SHANK2: variants seen among roughly 807,000 people sequenced by gnomAD.
SHANK2 encodes SH3 and multiple ankyrin repeat domains 2.
Under a neutral mutation model 133.7 loss-of-function variants are expected in SHANK2, and 43 were observed. The observed-to-expected ratio is 0.32, with a 90% CI of 0.25 to 0.41. The LOEUF (loss-of-function observed/expected upper bound fraction) is 0.41, where lower values mean the gene tolerates loss of function less well. SHANK2 is among the 10% of genes least tolerant of loss of function. SHANK2 has a pLI of 1.00. For missense variants in SHANK2, 1,994 were observed against 2,235.8 expected (o/e 0.89, Z 2.18); for synonymous variants, 1,017 against 952.8 (o/e 1.07, Z -1.24).
chr11:70,557,817 A>C (rs1195683233), intron 17 of SHANK2, among the ~76,000 whole-genome samples: 1 of 152,180 alleles, frequency 6.6e-6, no homozygotes, highest in Non-Finnish European at 1.5e-5. Context: ...CTTCATGCAC[A>C]CAGCTGCCCA....
chr11:70,472,440 C>A lies in SHANK2; in HGVS notation c.*429G>T. On this transcript the variant is annotated 3_prime_UTR_variant, in exon 26 of 26. Coordinates refer to ENST00000601538, the MANE Select transcript of SHANK2 (RefSeq NM_012309.5). This position sits in a 1 kb window ranked among gnomAD's most constrained non-coding sequence, Gnocchi z 4.4. ...CACAGGACTGAGGAAAGGCCTCATG[C>A]CGGGGCCTGGGGTGGTGAGAGCTGC... The A allele has an allele frequency of 4.0e-6, 1 of 251,236 alleles. No homozygotes were observed. Among genetic ancestry groups the A allele is most frequent in the Non-Finnish European group, 7.8e-6 (1 of 128,624 alleles). The allele number at this position is 251,236 out of a possible 1,614,324, so 15.6% of individuals were successfully genotyped here. A position where few individuals can be genotyped will look rare whatever the true frequency, so the allele number is the denominator to read the frequency against.
chr11:70,692,817 A>G lies in SHANK2; in HGVS notation c.1853+5871T>C, dbSNP rs144513628. On this transcript the variant is annotated intron_variant, in intron 15 of 25. Coordinates refer to ENST00000601538, the MANE Select transcript of SHANK2 (RefSeq NM_012309.5). ...GGGAGCTGTGGACAGTGGATATTCA[A>G]TGGTGAGCAGGCATACTTTGCCATC... 5.3e-5 allele frequency among the ~76,000 whole-genome samples: 8 copies of G among 152,352 alleles called. No homozygotes were observed. In the East Asian group the frequency reaches 5.8e-4, roughly 11 times the overall value.
chr11:70,707,286 C>T (rs1252618105), intron 14 of SHANK2, among the ~76,000 whole-genome samples: 1 of 147,296 alleles, frequency 6.8e-6, no homozygotes, highest in Non-Finnish European at 1.5e-5. Flanking sequence ...GCAGGAGAAT[C>T]GCCTGAACCC....
intron 17 of SHANK2, among the ~76,000 whole-genome samples, chr11:70,573,653 G>C (rs1377737762): frequency 1.3e-5 from 2 of 152,050 alleles, no homozygotes; most frequent in Non-Finnish European, 2.9e-5. Context: ...ACCAGATCAA[G>C]CTTCAGGTTC....
At chr11:70,721,510 G>A (rs1474365689) in intron 14 of SHANK2, among the ~76,000 whole-genome samples, 1 of 152,256 alleles carries the variant, frequency 6.6e-6, no homozygotes, top group Non-Finnish European at 1.5e-5. Context: ...ACACCCCACT[G>A]TTGGGGAAGG....
In SHANK2 at chr11:70,487,772, A is replaced by C; in HGVS notation, c.2573-52T>G. ...TAAGTCACAATAGCAACAAAGCCTA[A>C]GTTCCTAGGAACGTGCGATACGCTA... On this transcript the variant is annotated intron_variant, in intron 24 of 25. Coordinates refer to ENST00000601538, the MANE Select transcript of SHANK2 (RefSeq NM_012309.5). The surrounding 1 kb of genome is among the most constrained non-coding windows in gnomAD (Gnocchi z 5.8). The C allele has an allele frequency of 1.9e-6, 3 of 1,550,156 alleles. No individual in the cohort carries two copies. The highest frequency in any genetic ancestry group is 2.6e-6 in the Non-Finnish European group (3 of 1,147,008).
At chr11:71,152,667 C>T (rs1205422285) in intron 2 of SHANK2, among the ~76,000 whole-genome samples, 2 of 152,134 alleles carry the variant, frequency 1.3e-5, no homozygotes, top group African/African-American at 2.4e-5. Flanking sequence ...AGAAGGGCTC[C>T]AGTGCTGGGT....
intron 9 of SHANK2, among the ~76,000 whole-genome samples, chr11:71,062,267 T>C (rs1457633265): frequency 6.6e-6 from 1 of 152,160 alleles, no homozygotes; most frequent in Non-Finnish European, 1.5e-5. Flanking sequence ...AAGGTCTTTA[T>C]CAAAATCACA....
chr11:71,124,734 C>T lies in SHANK2; in HGVS notation c.208-5702G>A, dbSNP rs181881100. 4.1e-3 allele frequency among the ~76,000 whole-genome samples: 632 copies of T among 152,302 alleles called. 4 individuals carry two copies. Among genetic ancestry groups the T allele is most frequent in the Non-Finnish European group, 7.8e-3 (529 of 68,026 alleles). On this transcript the variant is annotated intron_variant, in intron 3 of 25. Transcript: ENST00000601538. The stretch of plus-strand genomic sequence containing the variant: ...TGATGTTCCTCTCTATACACACCCA[C>T]TGCCAATCTTAGTGCAGGCAAATCA...
intron 11 of SHANK2, among the ~76,000 whole-genome samples, chr11:70,823,796 G>A (rs1321857603): frequency 2.7e-5 from 4 of 148,286 alleles, no homozygotes; most frequent in Admixed American, 1.4e-4. Flanking sequence ...ATTCATGGGG[G>A]GCAGAGGTGG....
chr11:71,071,577 T>A (rs942005931), intron 9 of SHANK2, among the ~76,000 whole-genome samples: 1 of 152,090 alleles, frequency 6.6e-6, no homozygotes, highest in Non-Finnish European at 1.5e-5. Context: ...CAGAGAAAAA[T>A]GTACAACTAT....
chr11:70,783,443 A>G (rs1253992940), intron 14 of SHANK2, among the ~76,000 whole-genome samples: 27 of 152,044 alleles, frequency 1.8e-4, no homozygotes, highest in Non-Finnish European at 1.5e-4. Flanking sequence ...CACAGTGAAA[A>G]CAAGTGACCC....
At chr11:70,815,487 C>G (rs1157009533) in intron 12 of SHANK2, among the ~76,000 whole-genome samples, 4 of 152,190 alleles carry the variant, frequency 2.6e-5, no homozygotes, top group Non-Finnish European at 5.9e-5. Context: ...CGGACACTCA[C>G]CATCCACAGA....
intron 14 of SHANK2, among the ~76,000 whole-genome samples, chr11:70,723,330 G>A (rs199804021): frequency 3.5e-5 from 2 of 57,910 alleles, no homozygotes; most frequent in Admixed American, 2.9e-4. Context: ...TCTCTCTCTC[G>A]CTGGCCTGAT....
intron 17 of SHANK2, among the ~76,000 whole-genome samples, chr11:70,593,942 C>T (rs1172309217): frequency 2.6e-5 from 4 of 152,090 alleles, no homozygotes; most frequent in Non-Finnish European, 4.4e-5. Flanking sequence ...CTGCTGGTGT[C>T]AGATGCTGAG....
intron 3 of SHANK2, among the ~76,000 whole-genome samples, chr11:71,126,801 A>T (rs1181215125): frequency 6.9e-6 from 1 of 143,890 alleles, no homozygotes; most frequent in Admixed American, 7.3e-5. Context: ...ATCTTGGTTC[A>T]CCACAACCTC....
At chr11:71,221,204 CAAA>C (rs782213118) in intron 2 of SHANK2, among the ~76,000 whole-genome samples, 4 of 82,146 alleles carry the variant, frequency 4.9e-5, no homozygotes, top group Admixed American at 1.3e-4. Flanking sequence ...GACTCCATCT[CAAA>C]AAAAAAAAAA....
chr11:70,540,432 G>A (rs11606010), intron 17 of SHANK2, among the ~76,000 whole-genome samples: 72,106 of 151,444 alleles, frequency 0.48, 18,917 homozygotes, highest in Non-Finnish European at 0.6. Context: ...TCTCTCCTGC[G>A]GAGTCGGAGT....
chr11:70,858,851 A>G (rs1458962912), intron 11 of SHANK2, among the ~76,000 whole-genome samples: 23 of 152,066 alleles, frequency 1.5e-4, no homozygotes, highest in Admixed American at 1.4e-3. Flanking sequence ...GTTCTTTCCT[A>G]CTGCAGGGTC....
Sources: allele counts gnomAD v4.1 joint callset (sites outside exome capture counted in the v4.1 genomes callset), GRCh38; gene constraint gnomAD v4.1.1; non-coding constraint Gnocchi (gnomAD v3.1); transcripts MANE v1.5; gene names NCBI Gene and HGNC (gene_info 2026-07-23, HGNC 2026-07-21).